Variants in IGSF5 observed in about 807,000 individuals in gnomAD.
IGSF5 encodes immunoglobulin superfamily member 5.
A neutral mutation model predicts 39.4 loss-of-function variants in IGSF5; 41 were observed. The ratio of observed to expected loss-of-function variants is 1.04; its 90% CI spans 0.81 to 1.35. The LOEUF (loss-of-function observed/expected upper bound fraction) is 1.35. Ranked by LOEUF, IGSF5 falls within the 40% of genes most tolerant of loss-of-function variation. The probability of loss-of-function intolerance (pLI) is 0.00; values close to 1 mark genes in which losing one functional copy is unlikely to be tolerated. For synonymous variants in IGSF5, 183 were observed against 175.3 expected, an observed-to-expected ratio of 1.04 and a Z score of -0.34; for missense variants, 487 against 494.6, an observed-to-expected ratio of 0.98 and a Z score of 0.15.
intron 5 of IGSF5, among the ~76,000 whole-genome samples, chr21:39,786,831 C>T (rs527945699): frequency 7.2e-5 from 11 of 152,204 alleles, no homozygotes; most frequent in African/African-American, 1.9e-4. Context: ...AATTGGAAAT[C>T]ATCATTCTCA....
intron 8 of IGSF5, among the ~76,000 whole-genome samples, chr21:39,796,328 C>T (rs942718201): frequency 2.6e-5 from 4 of 152,162 alleles, no homozygotes; most frequent in South Asian, 2.1e-4. Context: ...GACCAGGCCC[C>T]GTAGCCCTGC....
chr21:39,798,292 C>T (rs190389369), intron 8 of IGSF5, among the ~76,000 whole-genome samples: 81 of 152,302 alleles, frequency 5.3e-4, no homozygotes, highest in Middle Eastern at 3.4e-3. Context: ...TCACCCTGCA[C>T]GATGGGTACT....
chr21:39,726,099 T>C, the IGSF5 span: 3 of 152,258 alleles, frequency 2.0e-5, no homozygotes, highest in Non-Finnish European at 4.4e-5. Context: ...TGTTGTCTGG[T>C]TCCTAATCCC....
intron 2 of IGSF5, among the ~76,000 whole-genome samples, chr21:39,759,063 C>T (rs549892965): frequency 3.4e-5 from 5 of 148,034 alleles, no homozygotes; most frequent in African/African-American, 1.3e-4. Flanking sequence ...ACTGTGTAGA[C>T]ATGTTTTGCT....
At chr21:39,770,867 C>T (rs745394669) in intron 3 of IGSF5, 49 bp from the exon 4 acceptor site, 12 of 1,234,196 alleles carry the variant, frequency 9.7e-6, no homozygotes, top group Admixed American at 6.0e-5. Flanking sequence ...AACTTAGAAG[C>T]GAGAGGCATG....
At chr21:39,748,299 ATCTTT>A (rs2079985720) in intron 2 of IGSF5, among the ~76,000 whole-genome samples, 1 of 43,746 alleles carries the variant, frequency 2.3e-5, no homozygotes, top group African/African-American at 5.2e-5. Context: ...AGAAAACAAG[ATCTTT>A]TTTTTTTTTT....
At chr21:39,771,274 C>T (rs542067652) in intron 4 of IGSF5, 59 bp downstream of exon 4, 109 of 1,408,000 alleles carry the variant, frequency 7.7e-5, no homozygotes, top group African/African-American at 1.2e-4. Flanking sequence ...TTCAATATTA[C>T]GTAGAATGCT....
intron 2 of IGSF5, among the ~76,000 whole-genome samples, chr21:39,761,367 C>G (rs957740174): frequency 1.3e-5 from 2 of 152,172 alleles, no homozygotes; most frequent in African/African-American, 2.4e-5. Context: ...GGCTAAGTCT[C>G]CAAAAGCAAT....
chr21:39,769,448 C>T (rs1400694218), intron 3 of IGSF5, among the ~76,000 whole-genome samples: 1 of 71,302 alleles, frequency 1.4e-5, no homozygotes, highest in East Asian at 4.6e-4. Context: ...GCCTGGGCAA[C>T]AAGAGTGAAA....
chr21:39,732,829 C>A, the IGSF5 span, among the ~76,000 whole-genome samples: 1 of 151,996 alleles, frequency 6.6e-6, no homozygotes, highest in Non-Finnish European at 1.5e-5. Flanking sequence ...AGTCTAAGAC[C>A]AGCCTGGGTG....
the IGSF5 span, among the ~76,000 whole-genome samples, chr21:39,734,509 T>C: frequency 6.6e-5 from 10 of 151,224 alleles, no homozygotes; most frequent in Non-Finnish European, 1.5e-4. Context: ...CAGAATAGTT[T>C]TGTTGCCCTA....
At chr21:39,718,050 G>A in the IGSF5 span, among the ~76,000 whole-genome samples, 8 of 151,726 alleles carry the variant, frequency 5.3e-5, no homozygotes, top group Non-Finnish European at 1.2e-4. Flanking sequence ...TCATTGTAGA[G>A]ATCTTTCACA....
rs368833224 is a variant in IGSF5 at position 39,795,619 on chromosome 21, G to T, written c.1128+2006G>T. ...AGTGGAGAATGACGTTTTGGAGCTC[G>T]GAGTGGATGCTTCTTGATGTTTGTA... On this transcript the variant is annotated intron_variant, in intron 8 of 8. Coordinates refer to ENST00000380588, the MANE Select transcript of IGSF5 (RefSeq NM_001080444.2). Among the ~76,000 whole-genome samples, 7 of 151,710 alleles carry T rather than the reference G, an allele frequency of 4.6e-5. No homozygotes were observed. In the South Asian group the frequency reaches 1.0e-3, roughly 23 times the overall value.
Position 39,765,776 on chromosome 21 carries a change from G to A in IGSF5, c.342G>A (p.Glu114=), listed in dbSNP as rs2080084423. The A allele has an allele frequency of 6.2e-7, 1 of 1,614,134 alleles. No individual in the cohort carries two copies. Among genetic ancestry groups the A allele is most frequent in the Non-Finnish European group, 8.5e-7 (1 of 1,180,016 alleles). The stretch of plus-strand genomic sequence containing the variant: ...CGGAGATGATCATCCACAATGTGGA[G>A]CCCAGTGATTCGGGGAACATCAGAT... ...FTSEMIIHNV[E]PSDSGNIRCS... The change falls in exon 3 of 9, where the codon GAG becomes GAA. Residue 114 remains glutamate (E), a synonymous_variant. Transcript: ENST00000380588.
the IGSF5 span, among the ~76,000 whole-genome samples, chr21:39,735,302 CTG>C: frequency 6.6e-6 from 1 of 152,218 alleles, no homozygotes; most frequent in African/African-American, 2.4e-5. Flanking sequence ...TCTATAATGA[CTG>C]TGTATCACTT....
Position 39,801,329 on chromosome 21 carries a change from A to C in IGSF5, c.1196A>C (p.Glu399Ala). 6.2e-7 allele frequency: 1 copy of C among 1,614,032 alleles called. No homozygotes were observed. Among genetic ancestry groups the C allele is most frequent in the East Asian group, 2.2e-5 (1 of 44,884 alleles). Reference protein sequence around the residue: ...PQASFNLASPEKVSNTTVV With the variant: ...PQASFNLASPAKVSNTTVV ...GCTTCTTTTAATCTGGCCAGTCCTG[A>C]GAAGGTCAGTAATACAACTGTAGTA... The change falls in exon 9 of 9, where the codon GAG (glutamate) becomes GCG (alanine). Residue 399 changes from glutamate (E) to alanine (A), a missense_variant. Coordinates refer to ENST00000380588, the MANE Select transcript of IGSF5 (RefSeq NM_001080444.2).
chr21:39,720,154 C>T, the IGSF5 span, among the ~76,000 whole-genome samples: 3 of 152,110 alleles, frequency 2.0e-5, no homozygotes, highest in Non-Finnish European at 4.4e-5. Flanking sequence ...ACTGTTCCAC[C>T]TCAGATCATC....
chr21:39,782,218 T>C (rs2080174416), intron 5 of IGSF5, among the ~76,000 whole-genome samples: 1 of 152,208 alleles, frequency 6.6e-6, no homozygotes, highest in Non-Finnish European at 1.5e-5. Context: ...TACACTGTAC[T>C]GTTTTAATTA....
intron 2 of IGSF5, among the ~76,000 whole-genome samples, chr21:39,755,275 T>A (rs1025039782): frequency 5.9e-5 from 9 of 152,180 alleles, no homozygotes; most frequent in Non-Finnish European, 1.3e-4. Context: ...TGGAGTTGTG[T>A]TAATCGAACC....
Sources: gnomAD v4.1 joint callset for allele counts (sites outside exome capture counted in the v4.1 genomes callset) on GRCh38, gnomAD v4.1.1 for gene constraint, MANE v1.5 for transcripts, NCBI Gene and HGNC (gene_info 2026-07-23, HGNC 2026-07-21) for gene names.